Variants in CUX2 observed in about 807,000 individuals in gnomAD.
The protein encoded by CUX2 is cut like homeobox 2, also known as homeobox protein cut-like 2.
A neutral mutation model predicts 144.8 loss-of-function variants in CUX2; 40 were observed. The ratio of observed to expected loss-of-function variants is 0.28; its 90% CI spans 0.21 to 0.36. The LOEUF is 0.36. CUX2 is among the 10% of genes least tolerant of loss of function. The pLI is 1.00. For missense variants in CUX2, 1,615 were observed against 1,994.0 expected, an observed-to-expected ratio of 0.81 and a Z score of 3.62; for synonymous variants, 827 against 875.6, an observed-to-expected ratio of 0.94 and a Z score of 0.98.
chr12:111,047,744 G>A lies in CUX2; in HGVS notation c.63+13504G>A, dbSNP rs755307190. Among the ~76,000 whole-genome samples, 7 of 152,302 alleles carry A rather than the reference G, an allele frequency of 4.6e-5. No homozygotes were observed. The South Asian group carries it at 6.2e-4, about 14-fold the overall frequency. The stretch of plus-strand genomic sequence containing the variant: ...TTCTTGAGCACGTGCTATAGGCCCC[G>A]CACAATGCCAGCTGCTGGGTGTGGA... On this transcript the variant is annotated intron_variant, in intron 1 of 21. Coordinates refer to ENST00000261726, the MANE Select transcript of CUX2 (RefSeq NM_015267.4).
At chr12:111,294,585 CAAA>C (rs35222521) in intron 6 of CUX2, among the ~76,000 whole-genome samples, 28,445 of 99,914 alleles carry the variant, frequency 0.28, 3,773 homozygotes, top group East Asian at 0.57. Context: ...CCTATCTTTT[CAAA>C]AAAAAAAAAA....
intron 1 of CUX2, among the ~76,000 whole-genome samples, chr12:111,091,513 C>T (rs545028091): frequency 3.3e-5 from 5 of 152,172 alleles, no homozygotes; most frequent in Non-Finnish European, 2.9e-5. Flanking sequence ...TGATGGGGCC[C>T]ACTTCAGTTT....
At chr12:111,219,950 C>T (rs995008348) in intron 3 of CUX2, among the ~76,000 whole-genome samples, 2 of 152,096 alleles carry the variant, frequency 1.3e-5, no homozygotes, top group Admixed American at 1.3e-4. Flanking sequence ...TCGAGACCAG[C>T]CTGGCCAACA....
At chr12:111,224,516 CTTTT>C (rs34109440) in intron 3 of CUX2, among the ~76,000 whole-genome samples, 5 of 77,206 alleles carry the variant, frequency 6.5e-5, no homozygotes, top group Admixed American at 3.0e-4. Flanking sequence ...AATTACAGGG[CTTTT>C]TTTTTTTTTT....
At chr12:111,193,282 G>A (rs1880013818) in intron 1 of CUX2, among the ~76,000 whole-genome samples, 1 of 152,236 alleles carries the variant, frequency 6.6e-6, no homozygotes, top group Admixed American at 6.5e-5. Context: ...CCTCTGACCT[G>A]GCACAAGCAT....
chr12:111,298,628 T>A, intron 9 of CUX2, 39 bp downstream of exon 9: 1 of 1,544,054 alleles, frequency 6.5e-7, no homozygotes, highest in Non-Finnish European at 8.8e-7. Flanking sequence ...TGCCAGAGGC[T>A]CCCTCTGCCT....
intron 20 of CUX2, 25 bp from the exon 21 acceptor site, chr12:111,341,755 G>C (rs774892037): frequency 1.3e-6 from 2 of 1,553,974 alleles, no homozygotes; most frequent in Non-Finnish European, 1.7e-6. Context: ...CCACCTCTCA[G>C]CCCTCCCTCT....
chr12:111,146,240 C>T (rs998748044), intron 1 of CUX2, among the ~76,000 whole-genome samples: 8 of 152,168 alleles, frequency 5.3e-5, no homozygotes, highest in Non-Finnish European at 1.0e-4. Flanking sequence ...TGGTGGTGTA[C>T]ATGCTATGGG....
Position 111,334,515 on chromosome 12 carries a change from C to T in CUX2, c.3001C>T (p.Pro1001Ser). Reference protein sequence around the residue: ...PTEPEKSSQEPLSLSLESSKE... With the variant: ...PTEPEKSSQESLSLSLESSKE... ...AGAGCCTGAGAAGAGCTCCCAGGAGCCGTTGAGCCTGTCCCTGGAGAGCAG... is the reference window on the plus strand; with the variant it reads ...AGAGCCTGAGAAGAGCTCCCAGGAGTCGTTGAGCCTGTCCCTGGAGAGCAG... The change falls in exon 19 of 22, where the codon CCG (proline) becomes TCG (serine). Residue 1001 changes from proline (P) to serine (S), a missense_variant. Transcript: ENST00000261726. The T allele has an allele frequency of 1.9e-6, 3 of 1,613,816 alleles. No homozygotes were observed. The highest frequency in any genetic ancestry group is 1.1e-5 in the South Asian group (1 of 91,052).
At chr12:111,158,389 C>G (rs1280279459) in intron 1 of CUX2, among the ~76,000 whole-genome samples, 1 of 150,150 alleles carries the variant, frequency 6.7e-6, no homozygotes, top group Non-Finnish European at 1.5e-5. Context: ...GGGAGGATCT[C>G]TTGAAGCCAG....
chr12:111,308,324 C>A lies in CUX2; in HGVS notation c.1149C>A (p.Ser383Arg). 1 of 1,614,170 alleles carries A rather than the reference C, an allele frequency of 6.2e-7. No individual in the cohort carries two copies. The highest frequency in any genetic ancestry group is 8.5e-7 in the Non-Finnish European group (1 of 1,180,032). ...TGAAGCTGGCCTCCAGCACCTGCAG[C>A]CTCCCCCAGGTAAGTGTCCCTGCCA... ...KAMKLASSTC[S>R]LPQGMAKPED... Residue 383 changes from serine to arginine, a missense_variant, in exon 13 of 22, where the codon AGC becomes AGA. Physicochemically the swap from Ser to Arg is moderately radical, Grantham distance 110. Coordinates refer to ENST00000261726, the MANE Select transcript of CUX2 (RefSeq NM_015267.4).
In CUX2 at chr12:111,160,936, G is replaced by T. The variant is rs936128650; in HGVS notation, c.64-53264G>T. ...GAGGAATAGCGGGAGCAGATGGGACGTGAGAGTGCAGAGTTCCCTTTTGGC... is the reference window on the plus strand; with the variant it reads ...GAGGAATAGCGGGAGCAGATGGGACTTGAGAGTGCAGAGTTCCCTTTTGGC... On this transcript the variant is annotated intron_variant, in intron 1 of 21. Transcript: ENST00000261726. This position sits in a 1 kb window ranked among gnomAD's most constrained non-coding sequence, Gnocchi z 4.1. Among the ~76,000 whole-genome samples, 1 of 152,180 alleles carries T rather than the reference G, an allele frequency of 6.6e-6. No homozygotes were observed. The highest frequency in any genetic ancestry group is 1.5e-5 in the Non-Finnish European group (1 of 68,024).
At chr12:111,042,169 T>A (rs1056099214) in intron 1 of CUX2, among the ~76,000 whole-genome samples, 1 of 152,252 alleles carries the variant, frequency 6.6e-6, no homozygotes, top group Non-Finnish European at 1.5e-5. Flanking sequence ...CTTAAGACTC[T>A]GTGAGCCGCC....
chr12:111,293,369 C>A lies in CUX2; in HGVS notation c.437-77C>A. ...AAATTGATCACAATCAATGATCGATCCGGTTTACAGAAAGCGGCTCTGGCT... is the reference window on the plus strand; with the variant it reads ...AAATTGATCACAATCAATGATCGATACGGTTTACAGAAAGCGGCTCTGGCT... On this transcript the variant is annotated intron_variant, in intron 5 of 21. Coordinates refer to ENST00000261726, the MANE Select transcript of CUX2 (RefSeq NM_015267.4). This position sits in a 1 kb window ranked among gnomAD's most constrained non-coding sequence, Gnocchi z 4.5. 4 of 1,511,506 alleles carry A rather than the reference C, an allele frequency of 2.6e-6. No individual in the cohort carries two copies. Among genetic ancestry groups the A allele is most frequent in the Non-Finnish European group, 3.5e-6 (4 of 1,127,696 alleles). 93.6% of individuals were successfully genotyped at this position (1,511,506 alleles called of 1,614,324 possible).
At chr12:111,067,264 A>C (rs1301961402) in intron 1 of CUX2, among the ~76,000 whole-genome samples, 2 of 152,198 alleles carry the variant, frequency 1.3e-5, no homozygotes, top group South Asian at 4.1e-4. Flanking sequence ...CACATGACTT[A>C]AGCTGGGCCA....
chr12:111,199,952 G>C (rs1034972992), intron 1 of CUX2, among the ~76,000 whole-genome samples: 18 of 150,190 alleles, frequency 1.2e-4, no homozygotes, highest in African/African-American at 4.0e-4. Context: ...ACAGCACTCT[G>C]TTTGCGTGCT....
chr12:111,209,593 T>G (rs1003542586), intron 1 of CUX2, among the ~76,000 whole-genome samples: 1 of 152,162 alleles, frequency 6.6e-6, no homozygotes, highest in East Asian at 1.9e-4. Context: ...TGAGCGACCT[T>G]GAGGATTCCT....
intron 1 of CUX2, among the ~76,000 whole-genome samples, chr12:111,063,933 T>C (rs1419247390): frequency 1.3e-5 from 2 of 152,108 alleles, no homozygotes; most frequent in Non-Finnish European, 2.9e-5. Context: ...ACCAGCCAAG[T>C]AGGTAGCTGG....
At chr12:111,313,706 A>G (rs1308885775) in intron 16 of CUX2, among the ~76,000 whole-genome samples, 1 of 151,978 alleles carries the variant, frequency 6.6e-6, no homozygotes, top group Admixed American at 6.6e-5. Context: ...TGAGGATCAA[A>G]TGAGGTCAGT....
Sources: allele counts gnomAD v4.1 joint callset (sites outside exome capture counted in the v4.1 genomes callset), GRCh38; gene constraint gnomAD v4.1.1; non-coding constraint Gnocchi (gnomAD v3.1); transcripts MANE v1.5; gene names NCBI Gene and HGNC (gene_info 2026-07-23, HGNC 2026-07-21).